SBNO1: variants seen among roughly 807,000 people sequenced by gnomAD.
SBNO1 encodes protein strawberry notch homolog 1.
SBNO1 carries 23 observed loss-of-function variants against 173.6 expected under a neutral mutation model. The ratio of observed to expected loss-of-function variants is 0.13; its 90% CI spans 0.10 to 0.19. The LOEUF is 0.19. Ranked by LOEUF, SBNO1 falls within the 10% of genes least tolerant of loss-of-function variation. The pLI, the probability that SBNO1 is intolerant of heterozygous loss-of-function variation, is 1.00. For missense variants in SBNO1, 1,238 were observed against 1,671.2 expected (o/e 0.74, Z 4.52); for synonymous variants, 632 against 571.5 (o/e 1.11, Z -1.51).
Position 123,295,825 on chromosome 12 carries a change from T to G in SBNO1, c.*83A>C. 1 of 1,538,068 alleles carries G rather than the reference T, an allele frequency of 6.5e-7. No homozygotes were observed. The highest frequency in any genetic ancestry group is 8.8e-7 in the Non-Finnish European group (1 of 1,138,878). On this transcript the variant is annotated 3_prime_UTR_variant, in exon 32 of 32. Coordinates refer to ENST00000602398, the MANE Select transcript of SBNO1 (RefSeq NM_001167856.3). ...CACAACTGAAAAAAATATATAATTC[T>G]TTGGAAACTGTCCCTGATTTTTATG... is the stretch of plus-strand genomic sequence containing the variant.
intron 7 of SBNO1, among the ~76,000 whole-genome samples, chr12:123,333,615 G>A (rs1454298394): frequency 3.3e-5 from 5 of 151,796 alleles, no homozygotes; most frequent in Non-Finnish European, 7.4e-5. Context: ...CCCTACCTCA[G>A]CTTCCCGAGA....
At chr12:123,340,862 C>T (rs1344454782) in intron 5 of SBNO1, 126 bp downstream of exon 5, 3 of 650,678 alleles carry the variant, frequency 4.6e-6, no homozygotes, top group African/African-American at 3.8e-5. Context: ...TCCATTAGTT[C>T]CCACGCCTGT....
chr12:123,323,456 G>A (rs959632197), intron 16 of SBNO1, among the ~76,000 whole-genome samples: 3 of 152,066 alleles, frequency 2.0e-5, no homozygotes, highest in Admixed American at 1.3e-4. Context: ...CTGGGTTCAC[G>A]ACATTCTCCT....
In SBNO1 at chr12:123,363,806, A is replaced by G. The variant is rs998640704; in HGVS notation, c.-1+895T>C. The G allele has an allele frequency of 3.1e-6, 3 of 961,162 alleles. No homozygotes were observed. In the African/African-American group the frequency reaches 5.3e-5, roughly 17 times the overall value. The allele number at this position is 961,162 out of a possible 1,614,324, so 59.5% of individuals were successfully genotyped here. A position where few individuals can be genotyped will look rare whatever the true frequency, so the allele number is the denominator to read the frequency against. Reference sequence around the variant, plus strand: ...TGCGAGGATCAAGTTAGTGGTCCGCAAACATTAACCAAACAGAAGCACAAA... The same window carrying G: ...TGCGAGGATCAAGTTAGTGGTCCGCGAACATTAACCAAACAGAAGCACAAA... On this transcript the variant is annotated intron_variant, in intron 1 of 31. Transcript: ENST00000602398.
At chr12:123,346,643 G>A (rs907352426) in intron 3 of SBNO1, among the ~76,000 whole-genome samples, 7 of 152,226 alleles carry the variant, frequency 4.6e-5, no homozygotes, top group Non-Finnish European at 1.0e-4. Flanking sequence ...CAACCTGGGC[G>A]ACAGAGCGAG....
chr12:123,327,175 T>C (rs1030320502), intron 13 of SBNO1, among the ~76,000 whole-genome samples: 3 of 151,962 alleles, frequency 2.0e-5, no homozygotes, highest in Admixed American at 6.6e-5. Flanking sequence ...CCCAGCTAAT[T>C]TTTTTTCGTA....
At chr12:123,352,949 C>G (rs888834624) in intron 1 of SBNO1, among the ~76,000 whole-genome samples, 1 of 152,144 alleles carries the variant, frequency 6.6e-6, no homozygotes, top group Non-Finnish European at 1.5e-5. Context: ...AGCCGCCCGC[C>G]ACCATGCCCA....
chr12:123,325,280 T>C (rs953578120), intron 15 of SBNO1, among the ~76,000 whole-genome samples: 33 of 152,222 alleles, frequency 2.2e-4, no homozygotes, highest in Non-Finnish European at 5.9e-5. Flanking sequence ...TCACATACTC[T>C]GTGTAATATT....
At chr12:123,330,593 G>A (rs1441592306) in intron 8 of SBNO1, 84 bp from the exon 9 acceptor site, 8 of 571,168 alleles carry the variant, frequency 1.4e-5, no homozygotes, top group South Asian at 6.8e-5. Flanking sequence ...GCCAGGTCTT[G>A]ACACTTAAAA....
At chr12:123,327,369 ACAGAAACATTAT>A in intron 13 of SBNO1, 45 bp downstream of exon 13, 1 of 1,475,102 alleles carries the variant, frequency 6.8e-7, no homozygotes, top group South Asian at 1.2e-5. Context: ...GCCAAAACTA[ACAGAAACATTAT>A]CAGATACATT....
intron 9 of SBNO1, among the ~76,000 whole-genome samples, chr12:123,329,838 C>A (rs891333869): frequency 1.3e-5 from 2 of 152,198 alleles, no homozygotes; most frequent in Non-Finnish European, 2.9e-5. Flanking sequence ...AACCTTATAG[C>A]ACCAACAATT....
intron 15 of SBNO1, among the ~76,000 whole-genome samples, chr12:123,324,187 A>T (rs1870330172): frequency 6.6e-6 from 1 of 151,646 alleles, no homozygotes; most frequent in East Asian, 1.9e-4. Flanking sequence ...TACACATATA[A>T]TAACATCTCA....
chr12:123,315,506 T>A, intron 22 of SBNO1, 42 bp downstream of exon 22: 1 of 1,585,162 alleles, frequency 6.3e-7, no homozygotes. Flanking sequence ...ACAGGTACAA[T>A]AGATCATCAT....
At chr12:123,311,348 T>C (rs962759111) in intron 24 of SBNO1, among the ~76,000 whole-genome samples, 3 of 152,190 alleles carry the variant, frequency 2.0e-5, no homozygotes, top group African/African-American at 7.2e-5. Flanking sequence ...GGGGACTGTA[T>C]TAACTCTCTT....
chr12:123,327,294 G>A (rs1437549876), intron 13 of SBNO1, 132 bp downstream of exon 13: 40 of 756,220 alleles, frequency 5.3e-5, no homozygotes, highest in Middle Eastern at 7.8e-4. Flanking sequence ...ATGAGACACC[G>A]TGCCTGGCTT....
chr12:123,309,454 G>A (rs2049002868), intron 27 of SBNO1, 35 bp downstream of exon 27: 2 of 1,597,544 alleles, frequency 1.3e-6, no homozygotes, highest in African/African-American at 1.3e-5. Flanking sequence ...GCATCTCATG[G>A]GAAGACGATA....
intron 5 of SBNO1, among the ~76,000 whole-genome samples, chr12:123,336,729 C>T (rs911141090): frequency 1.3e-5 from 2 of 152,194 alleles, no homozygotes; most frequent in Admixed American, 6.5e-5. Context: ...CAAGACTCCA[C>T]GTCCTTCCGG....
intron 7 of SBNO1, among the ~76,000 whole-genome samples, chr12:123,333,412 A>G (rs1871455205): frequency 6.6e-6 from 1 of 152,200 alleles, no homozygotes; most frequent in African/African-American, 2.4e-5. Flanking sequence ...CAAAAGGTAC[A>G]ACAAATATCA....
intron 21 of SBNO1, among the ~76,000 whole-genome samples, chr12:123,316,110 AC>A (rs972631996): frequency 6.6e-6 from 1 of 152,192 alleles, no homozygotes; most frequent in African/African-American, 2.4e-5. Flanking sequence ...TATATTTTTT[AC>A]AACTTGTAAA....
Sources: gnomAD v4.1 joint callset for allele counts (sites outside exome capture counted in the v4.1 genomes callset) on GRCh38, gnomAD v4.1.1 for gene constraint, MANE v1.5 for transcripts, NCBI Gene and HGNC (gene_info 2026-07-23, HGNC 2026-07-21) for gene names.